Variants in HOXC4 observed in about 807,000 individuals in gnomAD.
HOXC4 encodes homeobox protein Hox-C4.
In HOXC4, 15 loss-of-function variants were observed where a neutral mutation model predicts 25.5. The ratio of observed to expected loss-of-function variants is 0.59; its 90% confidence interval spans 0.39 to 0.91. HOXC4 has a LOEUF of 0.91. Ranked by LOEUF, HOXC4 falls within the 40% of genes least tolerant of loss-of-function variation. The pLI is 0.00. For synonymous variants in HOXC4, 165 were observed against 148.0 expected, an observed-to-expected ratio of 1.11 and a Z score of -0.83; for missense variants, 342 against 352.4, an observed-to-expected ratio of 0.97 and a Z score of 0.24.
At chr12:54,034,962 A>G (rs1433892932) in intron 1 of HOXC4, 2 of 188,066 alleles carry the variant, frequency 1.1e-5, no homozygotes, top group African/African-American at 2.3e-5. Flanking sequence ...GTCTGGCCCT[A>G]GACTCGGGGT....
chr12:54,037,647 G>A (rs1941209779), intron 1 of HOXC4, among the ~76,000 whole-genome samples: 1 of 152,276 alleles, frequency 6.6e-6, no homozygotes, highest in South Asian at 2.1e-4. Context: ...CAAGGGGGAT[G>A]TGGGGGTGGG....
intron 1 of HOXC4, among the ~76,000 whole-genome samples, chr12:54,044,222 C>T (rs1937646097): frequency 6.6e-6 from 1 of 152,088 alleles, no homozygotes; most frequent in South Asian, 2.1e-4. Context: ...CCCAAGCCCA[C>T]CTGAGGCCCC....
chr12:54,034,275 C>A, intron 1 of HOXC4: 1 of 1,612,906 alleles, frequency 6.2e-7, no homozygotes, highest in Non-Finnish European at 8.5e-7. Flanking sequence ...GTTTATGTTC[C>A]AGAGACGGAC....
chr12:54,040,892 A>G (rs1941261523), intron 1 of HOXC4, among the ~76,000 whole-genome samples: 1 of 152,190 alleles, frequency 6.6e-6, no homozygotes, highest in Non-Finnish European at 1.5e-5. Flanking sequence ...AGATTTTTTG[A>G]AAGTTCTGAT....
At chr12:54,029,738 T>C (rs1940908255) in intron 1 of HOXC4, 1 of 1,614,186 alleles carries the variant, frequency 6.2e-7, no homozygotes. Flanking sequence ...GGAATTTCAC[T>C]TCAATCGCTA....
intron 1 of HOXC4, chr12:54,033,370 G>A (rs1941065218): frequency 6.2e-7 from 1 of 1,612,822 alleles, no homozygotes; most frequent in Admixed American, 1.7e-5. Flanking sequence ...GCCGCTCCGG[G>A]ACACGCTCCG....
At chr12:54,034,362 T>G in intron 1 of HOXC4, 1 of 1,614,180 alleles carries the variant, frequency 6.2e-7, no homozygotes. Context: ...AACCGCTACC[T>G]CACTCGCCGC....
Position 54,029,303 on chromosome 12 carries a change from G to C in HOXC4, c.-124+11889G>C, listed in dbSNP as rs543480744. On this transcript the variant is annotated intron_variant, in intron 1 of 3. Coordinates refer to the HOXC4 transcript ENST00000303406. ...GGAACTAGGATGCTTGGGGAGATGG[G>C]GGAGCCCAGTCCTTGAGAAAGGGGG... Among the ~76,000 whole-genome samples the C allele has an allele frequency of 2.6e-5, 4 of 152,314 alleles. No individual in the cohort carries two copies. In the South Asian group the frequency reaches 8.3e-4, roughly 32 times the overall value.
At chr12:54,019,903 A>C (rs1375562838) in intron 1 of HOXC4, 1 of 151,500 alleles carries the variant, frequency 6.6e-6, no homozygotes, top group African/African-American at 2.4e-5. Context: ...CCCTAGACCC[A>C]TCCTTACAAG....
chr12:54,028,409 A>AT (rs1351770266), intron 1 of HOXC4: 19 of 1,230,108 alleles, frequency 1.5e-5, no homozygotes, highest in Non-Finnish European at 1.8e-5. Context: ...TGACTTTGTC[A>AT]TTTTGTCTGT....
At chr12:54,028,620 A>G in intron 1 of HOXC4, 1 of 1,614,066 alleles carries the variant, frequency 6.2e-7, no homozygotes, top group South Asian at 1.1e-5. Context: ...CCTATGATCC[A>G]GTGAGGCATT....
At chr12:54,037,762 G>A (rs946912132) in intron 1 of HOXC4, 4 of 152,190 alleles carry the variant, frequency 2.6e-5, no homozygotes, top group African/African-American at 7.2e-5. Flanking sequence ...TTATTTATGT[G>A]AATAGCCTGA....
At chr12:54,054,428 G>GC in intron 1 of HOXC4, 67 bp downstream of exon 1, 1 of 979,980 alleles carries the variant, frequency 1.0e-6, no homozygotes, top group East Asian at 2.6e-5. Context: ...ACCCTCCTCG[G>GC]CCCCCTCTGG....
At chr12:54,033,102 T>A (rs1941049352) in intron 1 of HOXC4, 1 of 1,577,038 alleles carries the variant, frequency 6.3e-7, no homozygotes, top group Non-Finnish European at 8.6e-7. Flanking sequence ...GGTGCAGAAA[T>A]TTTTTTGGGC....
At chr12:54,043,950 G>C (rs1308603783) in intron 1 of HOXC4, among the ~76,000 whole-genome samples, 2 of 142,050 alleles carry the variant, frequency 1.4e-5, no homozygotes, top group East Asian at 4.5e-4. Flanking sequence ...GTGTGTGTGT[G>C]TGTGTGTGTG....
At chr12:54,052,633 G>A (rs1937875817), upstream of HOXC4, among the ~76,000 whole-genome samples, 2 of 150,280 alleles carry the variant, frequency 1.3e-5, no homozygotes, top group Admixed American at 1.3e-4. Context: ...CTACGGCCCT[G>A]TCACCCCCCT....
At chr12:54,035,751 C>CT (rs1424489765) in intron 1 of HOXC4, among the ~76,000 whole-genome samples, 2 of 152,120 alleles carry the variant, frequency 1.3e-5, no homozygotes, top group Non-Finnish European at 2.9e-5. Context: ...TTTCCTGGGC[C>CT]TAGGTGGTCC....
upstream of HOXC4, among the ~76,000 whole-genome samples, chr12:54,049,131 T>C (rs76228738): frequency 0.016 from 2,448 of 152,306 alleles, 164 homozygotes; most frequent in East Asian, 0.2. Flanking sequence ...GAACCCAACC[T>C]CTAACTAACA....
At chr12:54,051,280 A>T (rs1937840333), upstream of HOXC4, among the ~76,000 whole-genome samples, 1 of 151,792 alleles carries the variant, frequency 6.6e-6, no homozygotes, top group Non-Finnish European at 1.5e-5. Context: ...CCCTCTCCAC[A>T]TGGCACCAAA....
Sources: allele counts gnomAD v4.1 joint callset (sites outside exome capture counted in the v4.1 genomes callset), GRCh38; gene constraint gnomAD v4.1.1; transcripts MANE v1.5; gene names NCBI Gene and HGNC (gene_info 2026-07-23, HGNC 2026-07-21).